Variants in C4orf54 observed in about 807,000 individuals in gnomAD.
C4orf54 encodes uncharacterized protein C4orf54.
A neutral mutation model predicts 80.1 loss-of-function variants in C4orf54; 67 were observed. That is an observed-to-expected ratio of 0.84 (90% CI 0.69 to 1.03). The LOEUF is 1.03. Ranked by LOEUF, C4orf54 falls within the 50% of genes least tolerant of loss-of-function variation. The pLI is 0.00. For synonymous variants in C4orf54, 1,000 were observed against 917.0 expected, an observed-to-expected ratio of 1.09 and a Z score of -1.64; for missense variants, 2,434 against 2,253.5, an observed-to-expected ratio of 1.08 and a Z score of -1.62.
intron 2 of C4orf54, among the ~76,000 whole-genome samples, chr4:99,644,622 G>A (rs1292665211): frequency 3.9e-5 from 6 of 152,060 alleles, no homozygotes; most frequent in Non-Finnish European, 2.9e-5. Flanking sequence ...CACCGGAGCA[G>A]CAAATTTCCT....
At position 99,654,001 on chromosome 4, in the gene C4orf54, C is replaced by A. The variant is rs1208422538; in HGVS notation, c.648G>T (p.Gly216=). 6.5e-7 allele frequency: 1 copy of A among 1,536,106 alleles called. No individual in the cohort carries two copies. Among genetic ancestry groups the A allele is most frequent in the South Asian group, 1.2e-5 (1 of 84,046 alleles). The change falls in exon 2 of 3, where the codon GGG becomes GGT. Residue 216 remains glycine, a synonymous_variant. Transcript: ENST00000511828. ...AGGCCCTCTGACCCCCAGGGCAGTG[C>A]CCCAGGGTAAGTTTCATGGTCTGGG... is the stretch of plus-strand genomic sequence containing the variant. ...ESPQTMKLTL[G]HCPGGQRASR...
chr4:99,657,191 CA>C (rs1490741583), intron 1 of C4orf54, among the ~76,000 whole-genome samples: 1 of 152,184 alleles, frequency 6.6e-6, no homozygotes, highest in African/African-American at 2.4e-5. Context: ...ATACATACTC[CA>C]TAGTGGAATA....
At chr4:99,645,813 G>A (rs1726691975) in intron 2 of C4orf54, among the ~76,000 whole-genome samples, 1 of 152,204 alleles carries the variant, frequency 6.6e-6, no homozygotes, top group Non-Finnish European at 1.5e-5. Context: ...TAGTACACTG[G>A]TGTGTTGCAA....
Position 99,652,796 on chromosome 4 carries a change from T to C in C4orf54, c.1853A>G (p.Asp618Gly). ...GASSAVSELD[D>G]ADKEVRNLTS... ...CAGGTTACGCACCTCTTTGTCCGCA[T>C]CGTCCAGTTCGCTCACGGCACTGGA... The change falls in exon 2 of 3, where the codon GAT (aspartate) becomes GGT (glycine). Residue 618 changes from aspartate to glycine, a missense_variant. By Grantham distance (94) the Asp-to-Gly change is moderately conservative. Transcript: ENST00000511828. 3.3e-6 allele frequency: 5 copies of C among 1,536,104 alleles called. No individual in the cohort carries two copies. Among genetic ancestry groups the C allele is most frequent in the Non-Finnish European group, 4.4e-6 (5 of 1,146,892 alleles).
chr4:99,651,703 G>C lies in C4orf54; in HGVS notation c.2946C>G (p.Ser982Arg), dbSNP rs1578274561. 3 of 1,535,916 alleles carry C rather than the reference G, an allele frequency of 2.0e-6. No homozygotes were observed. In the African/African-American group the frequency reaches 4.1e-5, roughly 21 times the overall value. The change falls in exon 2 of 3, where the codon AGC becomes AGG. Residue 982 changes from serine to arginine, a missense_variant. Physicochemically the swap from Ser to Arg is moderately radical, Grantham distance 110. Transcript: ENST00000511828. ...AGAGGCGAGACATGATGGTGTTCTT[G>C]CTGGCAGAAATCTCCCCGAGATCAG... ...WRADLGEISA[S>R]KNTIMSRLFV...
At chr4:99,643,149 A>C (rs1039248705) in intron 2 of C4orf54, among the ~76,000 whole-genome samples, 1 of 152,160 alleles carries the variant, frequency 6.6e-6, no homozygotes, top group Non-Finnish European at 1.5e-5. Context: ...ATTCTGAGGC[A>C]TTTATGAGGA....
rs1335959591 is a variant in C4orf54 at position 99,649,249 on chromosome 4, C to T, written c.*18G>A. ...CACTTACCAGCAGTTTTTCATTCCG[C>T]TTCCTGGTGGCTGCTCATCATCTGT... On this transcript the variant is annotated 3_prime_UTR_variant, in exon 2 of 3. Coordinates refer to ENST00000511828, the MANE Select transcript of C4orf54 (RefSeq NM_001354435.2). 3 of 1,482,892 alleles carry T rather than the reference C, an allele frequency of 2.0e-6. No homozygotes were observed. Among genetic ancestry groups the T allele is most frequent in the Admixed American group, 2.3e-5 (1 of 43,210 alleles). The allele number at this position is 1,482,892 out of a possible 1,614,324, so 91.9% of individuals were successfully genotyped here.
At position 99,649,651 on chromosome 4, in the gene C4orf54, G is replaced by C. The variant is rs1726764534; in HGVS notation, c.4998C>G (p.Ala1666=). 6.5e-7 allele frequency: 1 copy of C among 1,536,112 alleles called. No homozygotes were observed. Among genetic ancestry groups the C allele is most frequent in the Non-Finnish European group, 8.7e-7 (1 of 1,146,908 alleles). The stretch of plus-strand genomic sequence containing the variant: ...TGGGTCCATAAGCCCCAGGACTCAG[G>C]GCCAAGGGAGGCACAGAGATGGACA... ...APMSISVPPL[A]LSPGAYGPTY... is the part of the protein sequence containing the mutation. The change falls in exon 2 of 3, where the codon GCC becomes GCG. Residue 1666 remains alanine (A), a synonymous_variant. Coordinates refer to ENST00000511828, the MANE Select transcript of C4orf54 (RefSeq NM_001354435.2).
chr4:99,653,467 G>T lies in C4orf54; in HGVS notation c.1182C>A (p.Phe394Leu), dbSNP rs766234036. The change falls in exon 2 of 3, where the codon TTC becomes TTA. Residue 394 changes from phenylalanine (F) to leucine (L), a missense_variant. Coordinates refer to ENST00000511828, the MANE Select transcript of C4orf54 (RefSeq NM_001354435.2). ...FDVGLASRWD[F>L]EDNNVIYSFV... ...ACGAGTAGATCACGTTGTTGTCCTC[G>T]AAATCCCAGCGGGAGGCCAGTCCCA... is the stretch of plus-strand genomic sequence containing the variant. The T allele has an allele frequency of 1.3e-6, 2 of 1,536,082 alleles. No individual in the cohort carries two copies. Among genetic ancestry groups the T allele is most frequent in the South Asian group, 2.4e-5 (2 of 84,054 alleles).
In C4orf54 at chr4:99,653,734, G is replaced by GA. The variant is rs1418182510; in HGVS notation, c.914dup (p.Glu306ArgfsTer3). 4 of 1,534,784 alleles carry GA rather than the reference G, an allele frequency of 2.6e-6. No individual in the cohort carries two copies. The African/African-American group carries it at 5.5e-5, about 21-fold the overall frequency. On this transcript the variant is annotated frameshift_variant, in exon 2 of 3. Transcript: ENST00000511828. LOFTEE classifies it high-confidence loss of function. ...CTTCACTTTCACCACTCTCACTCTC[G>GA]AAGCCTAAGGATGAAGAGGAGGTGG...
At position 99,652,258 on chromosome 4, in the gene C4orf54, G is replaced by A; in HGVS notation, c.2391C>T (p.Thr797=). ...ACTTCTGGGGGCCATCGGCGCGGGA[G>A]GTGGGCTTGCTGCCCTCGGAGGTCT... is the stretch of plus-strand genomic sequence containing the variant. ...GSETSEGSKP[T]SRADGPQKSK... Residue 797 remains threonine, a synonymous_variant, in exon 2 of 3, where the codon ACC becomes ACT. Transcript: ENST00000511828. 2 of 1,535,998 alleles carry A rather than the reference G, an allele frequency of 1.3e-6. No individual in the cohort carries two copies. Among genetic ancestry groups the A allele is most frequent in the Middle Eastern group, 3.3e-4 (2 of 5,990 alleles).
chr4:99,646,586 G>C (rs1165102243), intron 2 of C4orf54, among the ~76,000 whole-genome samples: 1 of 152,180 alleles, frequency 6.6e-6, no homozygotes, highest in Non-Finnish European at 1.5e-5. Flanking sequence ...CAGGAGTTAA[G>C]AGCTGGTTCT....
Position 99,650,888 on chromosome 4 carries a change from A to G in C4orf54, c.3761T>C (p.Leu1254Pro). Residue 1254 changes from leucine (L) to proline (P), a missense_variant, in exon 2 of 3, where the codon CTG (leucine) becomes CCG (proline). Leu to Pro is a moderately conservative substitution (Grantham distance 98). Coordinates refer to ENST00000511828, the MANE Select transcript of C4orf54 (RefSeq NM_001354435.2). ...CCTCACGGCTGCAGTCAGCTTCTCC[A>G]GGGCATTCCGGGCTGGCTTCGTGGC... ...GKATKPARNA[L>P]EKLTAAVRSM... The G allele has an allele frequency of 6.5e-7, 1 of 1,536,080 alleles. No homozygotes were observed. The highest frequency in any genetic ancestry group is 8.7e-7 in the Non-Finnish European group (1 of 1,146,908).
chr4:99,649,490 G>A lies in C4orf54; in HGVS notation c.5159C>T (p.Ala1720Val). The change falls in exon 2 of 3, where the codon GCA (alanine) becomes GTA (valine). Residue 1720 changes from alanine (A) to valine (V), a missense_variant. Coordinates refer to ENST00000511828, the MANE Select transcript of C4orf54 (RefSeq NM_001354435.2). ...VAEPSSKEAA[A>V]TFTEAPYFMA... ...GAAGTATGGGGCCTCGGTGAACGTT[G>A]CAGCTGCCTCTTTGCTGGAAGGTTC... The A allele has an allele frequency of 6.5e-7, 1 of 1,536,202 alleles. No homozygotes were observed. The highest frequency in any genetic ancestry group is 1.2e-5 in the South Asian group (1 of 84,066).
At position 99,652,983 on chromosome 4, in the gene C4orf54, C is replaced by A. The variant is rs1428979859; in HGVS notation, c.1666G>T (p.Val556Phe). The change falls in exon 2 of 3, where the codon GTC becomes TTC. Residue 556 changes from valine (V) to phenylalanine (F), a missense_variant. Physicochemically the swap from Val to Phe is conservative, Grantham distance 50. Transcript: ENST00000511828. ...AKHEGDMSLR[V>F]STAAEHNSSS... ...GAATTGTGTTCAGCAGCTGTAGAGA[C>A]GCGGAGGCTCATGTCGCCTTCATGC... The A allele has an allele frequency of 6.5e-7, 1 of 1,536,190 alleles. No individual in the cohort carries two copies. Among genetic ancestry groups the A allele is most frequent in the Admixed American group, 2.0e-5 (1 of 51,008 alleles).
At position 99,649,439 on chromosome 4, in the gene C4orf54, G is replaced by A. The variant is rs1341496252; in HGVS notation, c.5210C>T (p.Ser1737Phe). 6 of 1,536,160 alleles carry A rather than the reference G, an allele frequency of 3.9e-6. No individual in the cohort carries two copies. The highest frequency in any genetic ancestry group is 5.2e-6 in the Non-Finnish European group (6 of 1,146,918). Residue 1737 changes from serine to phenylalanine, a missense_variant, in exon 2 of 3, where the codon TCC (serine) becomes TTC (phenylalanine). Coordinates refer to ENST00000511828, the MANE Select transcript of C4orf54 (RefSeq NM_001354435.2). ...GGCTGCTGGGGCTGAGGAGGTTGAG[G>A]AGGCCGGAGACTGACCAGAAGCCAT... ...YFMASGQSPASSTSSAPAATS... is the reference protein window; with the variant it reads ...YFMASGQSPAFSTSSAPAATS...
chr4:99,653,185 G>A lies in C4orf54; in HGVS notation c.1464C>T (p.Ala488=), dbSNP rs1377472762. Reference sequence around the variant, plus strand: ...TCTCAGGCAAGGGCTCAGTCAGGGGGGCAGTGCCAGGCCCAGTGGGTGGGG... The same window carrying A: ...TCTCAGGCAAGGGCTCAGTCAGGGGAGCAGTGCCAGGCCCAGTGGGTGGGG... ...PTPPPTGPGT[A]PLTEPLPETP... Residue 488 remains alanine, a synonymous_variant, in exon 2 of 3, where the codon GCC becomes GCT. Coordinates refer to ENST00000511828, the MANE Select transcript of C4orf54 (RefSeq NM_001354435.2). 2 of 1,535,916 alleles carry A rather than the reference G, an allele frequency of 1.3e-6. No individual in the cohort carries two copies. The highest frequency in any genetic ancestry group is 2.7e-5 in the African/African-American group (2 of 73,154).
At position 99,652,769 on chromosome 4, in the gene C4orf54, GTC is replaced by G; in HGVS notation, c.1878_1879del (p.Thr627LeufsTer13). On this transcript the variant is annotated frameshift_variant, in exon 2 of 3. Coordinates refer to ENST00000511828, the MANE Select transcript of C4orf54 (RefSeq NM_001354435.2). LOFTEE classifies it high-confidence loss of function. The stretch of plus-strand genomic sequence containing the variant: ...AGCCAGGCTCCGGAAGGCCCGGGAG[GTC>G]AGGTTACGCACCTCTTTGTCCGCAT... 6.5e-7 allele frequency: 1 copy of G among 1,536,026 alleles called. No homozygotes were observed. The highest frequency in any genetic ancestry group is 2.4e-5 in the East Asian group (1 of 40,912).
chr4:99,644,670 CT>C (rs1297727423), intron 2 of C4orf54, among the ~76,000 whole-genome samples: 1 of 151,726 alleles, frequency 6.6e-6, no homozygotes, highest in Non-Finnish European at 1.5e-5. Flanking sequence ...AAGTACAACG[CT>C]TCAAGAACAT....
Sources: allele counts gnomAD v4.1 joint callset (sites outside exome capture counted in the v4.1 genomes callset), GRCh38; gene constraint gnomAD v4.1.1; transcripts MANE v1.5; gene names NCBI Gene and HGNC (gene_info 2026-07-23, HGNC 2026-07-21).